LIFR: variants seen among roughly 807,000 people sequenced by gnomAD.
LIFR encodes the protein leukemia inhibitory factor receptor.
A neutral mutation model predicts 122.2 loss-of-function variants in LIFR; 84 were observed. The ratio of observed to expected loss-of-function variants is 0.69; its 90% confidence interval spans 0.58 to 0.82. LIFR has a LOEUF of 0.82. Among genes scored for constraint, LIFR ranks in the 40% least tolerant of loss-of-function variants. LIFR has a pLI of 0.00. For missense variants in LIFR, 1,294 were observed against 1,311.6 expected (o/e 0.99, Z 0.21); for synonymous variants, 422 against 434.7 (o/e 0.97, Z 0.36).
chr5:38,494,995 G>T (rs573768453), intron 13 of LIFR, among the ~76,000 whole-genome samples: 2 of 152,154 alleles, frequency 1.3e-5, no homozygotes, highest in Non-Finnish European at 2.9e-5. Context: ...ACTACTAAAC[G>T]CAAGACAACA....
Position 38,479,991 on chromosome 5 carries a change from A to C in LIFR, c.*1604T>G, listed in dbSNP as rs1743902899. 1 of 224,208 alleles carries C rather than the reference A, an allele frequency of 4.5e-6. No homozygotes were observed. Among genetic ancestry groups the C allele is most frequent in the Non-Finnish European group, 8.9e-6 (1 of 112,674 alleles). The allele number at this position is 224,208 out of a possible 1,614,324, so 13.9% of individuals were successfully genotyped here. ...ATTCATACACAGAGAACCTAAATAGATTTTGTCACTTGTCACTCTGGCTTT... is the reference window on the plus strand; with the variant it reads ...ATTCATACACAGAGAACCTAAATAGCTTTTGTCACTTGTCACTCTGGCTTT... On this transcript the variant is annotated 3_prime_UTR_variant, in exon 20 of 20. Coordinates refer to ENST00000453190, the MANE Select transcript of LIFR (RefSeq NM_001127671.2).
chr5:38,537,377 G>A (rs757277032), intron 1 of LIFR, among the ~76,000 whole-genome samples: 1 of 152,096 alleles, frequency 6.6e-6, no homozygotes, highest in Non-Finnish European at 1.5e-5. Context: ...CATCTTTCGG[G>A]ACTCACGCTA....
At chr5:38,527,409 A>G (rs1746749053) in intron 3 of LIFR, 115 bp from the exon 4 acceptor site, 1 of 692,396 alleles carries the variant, frequency 1.4e-6, no homozygotes, top group Non-Finnish European at 2.5e-6. Flanking sequence ...TTGTTGCAAA[A>G]ACATGATAGG....
rs768939694 is a variant in LIFR, at chr5:38,527,342, A to G, written c.258-48T>C. The G allele has an allele frequency of 1.5e-5, 19 of 1,247,778 alleles. No homozygotes were observed. The African/African-American group carries it at 2.6e-4, about 17-fold the overall frequency. 77.3% of individuals were successfully genotyped at this position (1,247,778 alleles called of 1,614,324 possible). A position where few individuals can be genotyped will look rare whatever the true frequency, so the allele number is the denominator to read the frequency against. On this transcript the variant is annotated intron_variant, in intron 3 of 19. Coordinates refer to ENST00000453190, the MANE Select transcript of LIFR (RefSeq NM_001127671.2). ...AATTAGCAAATAAAATTAATAGTAT[A>G]ATTTTCATAAAAATTTGGTTAACAC...
intron 17 of LIFR, among the ~76,000 whole-genome samples, chr5:38,485,214 T>C (rs958942543): frequency 6.6e-6 from 1 of 152,168 alleles, no homozygotes; most frequent in Admixed American, 6.5e-5. Flanking sequence ...CCCCCAGTTA[T>C]GACAACCAAA....
At chr5:38,505,401 T>TACACACACAC (rs58882043) in intron 9 of LIFR, among the ~76,000 whole-genome samples, 90 of 139,388 alleles carry the variant, frequency 6.5e-4, no homozygotes, top group Non-Finnish European at 1.1e-3. Flanking sequence ...TGCATAGAAC[T>TACACACACAC]ACACACACAC....
intron 1 of LIFR, among the ~76,000 whole-genome samples, chr5:38,564,430 T>C (rs2112699386): frequency 6.6e-6 from 1 of 151,386 alleles, no homozygotes; most frequent in South Asian, 2.1e-4. Flanking sequence ...GTTGCCAGGC[T>C]TGTCTCAAAC....
At chr5:38,580,392 G>C (rs1267247602) in intron 1 of LIFR, among the ~76,000 whole-genome samples, 2 of 152,046 alleles carry the variant, frequency 1.3e-5, no homozygotes, top group African/African-American at 2.4e-5. Context: ...TTCTCTCCCT[G>C]CCACCTTCCT....
intron 1 of LIFR, among the ~76,000 whole-genome samples, chr5:38,587,798 G>A (rs1749798915): frequency 6.6e-6 from 1 of 152,184 alleles, no homozygotes; most frequent in Admixed American, 6.5e-5. Flanking sequence ...AATCTCTATT[G>A]CCTTCTAGTT....
At chr5:38,532,772 G>A (rs938542249) in intron 1 of LIFR, among the ~76,000 whole-genome samples, 1 of 152,166 alleles carries the variant, frequency 6.6e-6, no homozygotes, top group African/African-American at 2.4e-5. Context: ...AACAATACAT[G>A]AACAGAGCCT....
chr5:38,546,203 G>A (rs1561196504), intron 1 of LIFR, among the ~76,000 whole-genome samples: 1 of 152,070 alleles, frequency 6.6e-6, no homozygotes, highest in Non-Finnish European at 1.5e-5. Flanking sequence ...ATGTTACACA[G>A]TCATCAATAC....
intron 1 of LIFR, chr5:38,550,393 A>C (rs998476943): frequency 5.4e-6 from 1 of 185,900 alleles, no homozygotes; most frequent in African/African-American, 2.4e-5. Flanking sequence ...ACCAGATACC[A>C]GTAGGCTGAA....
chr5:38,604,682 C>T (rs535331918), intron 2 of LIFR, among the ~76,000 whole-genome samples: 1 of 150,862 alleles, frequency 6.6e-6, no homozygotes, highest in East Asian at 2.0e-4. Flanking sequence ...GCCTGGGCGA[C>T]AGGGCAAGAC....
At position 38,489,143 on chromosome 5, in the gene LIFR, C is replaced by T. The variant is rs771604130; in HGVS notation, c.2270G>A (p.Arg757Lys). The T allele has an allele frequency of 1.1e-5, 18 of 1,612,770 alleles. No homozygotes were observed. Among genetic ancestry groups the T allele is most frequent in the Non-Finnish European group, 1.3e-5 (15 of 1,179,090 alleles). ...TTTTCCAAAGTAAAACAAATATCCT[C>T]TTAAAAAGCCTCTAAGTTCTTCCAC... ...IPVEELRGFL[R>K]GYLFYFGKGE... The change falls in exon 16 of 20, where the codon AGA becomes AAA. Residue 757 changes from arginine to lysine, a missense_variant. Physicochemically the swap from Arg to Lys is conservative, Grantham distance 26. Transcript: ENST00000453190.
Position 38,479,736 on chromosome 5 carries a change from T to G in LIFR, c.*1859A>C, listed in dbSNP as rs772252918. 2.5e-4 allele frequency: 57 copies of G among 231,564 alleles called. No homozygotes were observed. The highest frequency in any genetic ancestry group is 4.4e-4 in the Non-Finnish European group (51 of 117,098). 14.3% of individuals were successfully genotyped at this position (231,564 alleles called of 1,614,324 possible). A position where few individuals can be genotyped will look rare whatever the true frequency, so the allele number is the denominator to read the frequency against. On this transcript the variant is annotated 3_prime_UTR_variant, in exon 20 of 20. Transcript: ENST00000453190. The stretch of plus-strand genomic sequence containing the variant: ...GGAGAGAAGGCAGCCCCAGGTCTGA[T>G]GTCTGGGGTGGAAGCTAAGGGAAGG...
At chr5:38,514,814 CA>C (rs1333903527) in intron 5 of LIFR, among the ~76,000 whole-genome samples, 2 of 152,098 alleles carry the variant, frequency 1.3e-5, no homozygotes, top group East Asian at 3.9e-4. Context: ...ACTATTTACA[CA>C]ACACTTACAT....
intron 12 of LIFR, among the ~76,000 whole-genome samples, chr5:38,498,065 T>G (rs1744980784): frequency 6.6e-6 from 1 of 152,200 alleles, no homozygotes; most frequent in Admixed American, 6.5e-5. Context: ...ACTGCCTTAA[T>G]TTATACACCA....
chr5:38,505,445 C>CA (rs70978886), intron 9 of LIFR, among the ~76,000 whole-genome samples: 6 of 147,080 alleles, frequency 4.1e-5, no homozygotes, highest in Non-Finnish European at 7.5e-5. Context: ...CACACACACA[C>CA]GAGTACAAAT....
chr5:38,510,409 C>T, intron 7 of LIFR, 55 bp downstream of exon 7: 1 of 1,504,650 alleles, frequency 6.6e-7, no homozygotes. Context: ...TTAAGGCTTT[C>T]AAGGAAGACC....
Sources: gnomAD v4.1 joint callset for allele counts (sites outside exome capture counted in the v4.1 genomes callset) on GRCh38, gnomAD v4.1.1 for gene constraint, MANE v1.5 for transcripts, NCBI Gene and HGNC (gene_info 2026-07-23, HGNC 2026-07-21) for gene names.